The following ARMC8 variants were observed in gnomAD, a reference collection of about 807,000 sequenced individuals.
The protein encoded by ARMC8 is armadillo repeat-containing protein 8.
A neutral mutation model predicts 99.3 loss-of-function variants in ARMC8; 20 were observed. The ratio of observed to expected loss-of-function variants is 0.20; its 90% CI spans 0.14 to 0.29. ARMC8 has a LOEUF of 0.29. Among genes scored for constraint, ARMC8 ranks in the 10% least tolerant of loss-of-function variants. The pLI is 1.00. For synonymous variants in ARMC8, 263 were observed against 278.3 expected (o/e 0.95, Z 0.55); for missense variants, 569 against 809.5 (o/e 0.70, Z 3.60).
intron 1 of ARMC8, among the ~76,000 whole-genome samples, chr3:138,206,784 A>G (rs892059207): frequency 6.6e-6 from 1 of 152,206 alleles, no homozygotes; most frequent in African/African-American, 2.4e-5. Flanking sequence ...AATACATTAG[A>G]CAAAAGCGTA....
At position 138,241,770 on chromosome 3, in the gene ARMC8, C is replaced by A; in HGVS notation, c.838-13C>A. 2 of 1,612,944 alleles carry A rather than the reference C, an allele frequency of 1.2e-6. No individual in the cohort carries two copies. Among genetic ancestry groups the A allele is most frequent in the South Asian group, 1.1e-5 (1 of 90,960 alleles). The stretch of plus-strand genomic sequence containing the variant: ...TTACCAAAAAGCAAATAATTAATCT[C>A]ACTACCTTTCAGACATTACCTTGTT... On this transcript the variant is annotated splice_polypyrimidine_tract_variant and intron_variant, in intron 10 of 21. Coordinates refer to ENST00000469044, the MANE Select transcript of ARMC8 (RefSeq NM_001363941.2).
At chr3:138,270,333 G>A (rs1308370254) in intron 16 of ARMC8, among the ~76,000 whole-genome samples, 2 of 152,152 alleles carry the variant, frequency 1.3e-5, no homozygotes, top group East Asian at 1.9e-4. Flanking sequence ...TTATGCCTCC[G>A]TTCTCTTATT....
chr3:138,274,415 C>A (rs754781545), intron 17 of ARMC8, 34 bp from the exon 18 acceptor site: 20 of 1,419,014 alleles, frequency 1.4e-5, no homozygotes, highest in Admixed American at 7.1e-5. Context: ...GTCTTTGTTT[C>A]TTTGATAATT....
chr3:138,250,596 G>A (rs1416065851), intron 12 of ARMC8, among the ~76,000 whole-genome samples: 1 of 151,986 alleles, frequency 6.6e-6, no homozygotes, highest in Non-Finnish European at 1.5e-5. Context: ...TTAATAATTG[G>A]TTAAAATCTT....
chr3:138,202,788 A>C (rs1393410447), intron 1 of ARMC8, among the ~76,000 whole-genome samples: 1 of 152,214 alleles, frequency 6.6e-6, no homozygotes, highest in African/African-American at 2.4e-5. Flanking sequence ...ATATACACAG[A>C]GCAAGACTTT....
chr3:138,239,168 C>A (rs1184472817), intron 9 of ARMC8: 3 of 280,020 alleles, frequency 1.1e-5, no homozygotes, highest in Non-Finnish European at 2.0e-5. Flanking sequence ...ACAACATGTG[C>A]CCAGCACCTA....
chr3:138,187,868 G>C (rs917477800), intron 1 of ARMC8: 1 of 522,316 alleles, frequency 1.9e-6, no homozygotes, highest in Non-Finnish European at 3.4e-6. Context: ...TGGGCTTATA[G>C]ACAACTGGCT....
chr3:138,275,959 A>G (rs1460972727), intron 18 of ARMC8, among the ~76,000 whole-genome samples: 2 of 152,220 alleles, frequency 1.3e-5, no homozygotes, highest in Non-Finnish European at 2.9e-5. Context: ...CAATGAAGAA[A>G]GTACATTGTT....
At chr3:138,264,059 A>G in intron 13 of ARMC8, 72 bp from the exon 14 acceptor site, 2 of 1,404,128 alleles carry the variant, frequency 1.4e-6, no homozygotes. Context: ...GTCATTGTAA[A>G]ATGCCAGCCA....
At chr3:138,257,104 A>C (rs1417201686) in intron 12 of ARMC8, among the ~76,000 whole-genome samples, 1 of 152,202 alleles carries the variant, frequency 6.6e-6, no homozygotes, top group South Asian at 2.1e-4. Flanking sequence ...AACAGGCACA[A>C]ATGTGTTTAG....
At position 138,225,109 on chromosome 3, in the gene ARMC8, C is replaced by CTTT. The variant is rs34843565; in HGVS notation, c.435+1393_435+1395dup. 8.4e-4 allele frequency among the ~76,000 whole-genome samples: 95 copies of CTTT among 113,582 alleles called. 4 individuals carry two copies. The highest frequency in any genetic ancestry group is 1.8e-3 in the South Asian group (6 of 3,316). The allele number at this position is 113,582 out of a possible 152,430, so 74.5% of individuals were successfully genotyped here. On this transcript the variant is annotated intron_variant, in intron 5 of 21. Transcript: ENST00000469044. ...CTCAGCCCAAATTCATTTCTTCTGG[C>CTTT]TTTTTTTTTTTTTTTTTTTGGAGAC...
intron 1 of ARMC8, among the ~76,000 whole-genome samples, chr3:138,189,443 A>G (rs1025960176): frequency 6.6e-5 from 10 of 152,206 alleles, no homozygotes; most frequent in African/African-American, 2.4e-4. Context: ...GTACCTTTCA[A>G]AGTACTACCC....
chr3:138,269,923 G>A, intron 15 of ARMC8, 117 bp from the exon 16 acceptor site: 1 of 359,110 alleles, frequency 2.8e-6, no homozygotes, highest in South Asian at 5.1e-5. Context: ...CTTTGCAAAA[G>A]TTGCCTGGAA....
At chr3:138,271,798 CTTTT>C (rs776320900) in intron 16 of ARMC8, among the ~76,000 whole-genome samples, 3 of 136,114 alleles carry the variant, frequency 2.2e-5, no homozygotes, top group Admixed American at 7.3e-5. Flanking sequence ...TTTTTTCTTT[CTTTT>C]TTTTTTTTTT....
Position 138,220,683 on chromosome 3 carries a change from AT to A in ARMC8, c.123-1234del, listed in dbSNP as rs917251982. On this transcript the variant is annotated intron_variant, in intron 2 of 21. Coordinates refer to ENST00000469044, the MANE Select transcript of ARMC8 (RefSeq NM_001363941.2). ...TGCTGACTATAACATTTATTTGTTG[AT>A]TTTTTTTTCTTTTTTTTTTTTTTGA... 2.9e-4 allele frequency among the ~76,000 whole-genome samples: 43 copies of A among 147,474 alleles called. No homozygotes were observed. In the South Asian group the frequency reaches 6.3e-3, roughly 21 times the overall value.
At chr3:138,282,232 T>C (rs1216981239) in intron 18 of ARMC8, among the ~76,000 whole-genome samples, 2 of 152,214 alleles carry the variant, frequency 1.3e-5, no homozygotes, top group African/African-American at 2.4e-5. Flanking sequence ...TAAAGCTTGC[T>C]AAGGCTTTCT....
intron 12 of ARMC8, among the ~76,000 whole-genome samples, chr3:138,254,786 G>A (rs1241651387): frequency 5.9e-5 from 9 of 152,182 alleles, no homozygotes; most frequent in Admixed American, 5.9e-4. Context: ...AAAGTGTAGA[G>A]AAGTTTAGAA....
chr3:138,229,593 C>T (rs983600636), intron 6 of ARMC8, among the ~76,000 whole-genome samples: 5 of 152,068 alleles, frequency 3.3e-5, no homozygotes, highest in African/African-American at 1.2e-4. Flanking sequence ...ATGACTGTTT[C>T]CCCTCACCCT....
At chr3:138,218,058 A>G (rs1419648884) in intron 2 of ARMC8, among the ~76,000 whole-genome samples, 1 of 152,194 alleles carries the variant, frequency 6.6e-6, no homozygotes, top group Admixed American at 6.5e-5. Context: ...GTGCCTGCCT[A>G]GTACCAAGCA....
Sources: gnomAD v4.1 joint callset for allele counts (sites outside exome capture counted in the v4.1 genomes callset) on GRCh38, gnomAD v4.1.1 for gene constraint, MANE v1.5 for transcripts, NCBI Gene and HGNC (gene_info 2026-07-23, HGNC 2026-07-21) for gene names.